STARD3: variants seen among roughly 807,000 people sequenced by gnomAD.
STARD3 encodes StAR related lipid transfer domain containing 3.
In STARD3, 39 loss-of-function variants were observed where a neutral mutation model predicts 62.0. The observed-to-expected ratio is 0.63, with a 90% confidence interval of 0.49 to 0.82. The LOEUF is 0.82. STARD3 is among the 40% of genes least tolerant of loss of function. The pLI, the probability that STARD3 is intolerant of heterozygous loss-of-function variation, is 0.00. For missense variants in STARD3, 543 were observed against 584.5 expected (o/e 0.93, Z 0.73); for synonymous variants, 229 against 242.4 (o/e 0.94, Z 0.51).
intron 14 of STARD3, 61 bp from the exon 15 acceptor site, chr17:39,662,743 G>A: frequency 6.7e-7 from 1 of 1,488,808 alleles, no homozygotes. Context: ...GGTGCCAGCT[G>A]CAAGGGGAGA....
At chr17:39,648,512 C>T (rs2057047669) in intron 1 of STARD3, among the ~76,000 whole-genome samples, 1 of 152,064 alleles carries the variant, frequency 6.6e-6, no homozygotes, top group South Asian at 2.1e-4. Context: ...ACTGACTTTC[C>T]CCCAGATAAA....
At chr17:39,645,348 C>T (rs1039086499) in intron 1 of STARD3, among the ~76,000 whole-genome samples, 1 of 152,234 alleles carries the variant, frequency 6.6e-6, no homozygotes, top group African/African-American at 2.4e-5. Context: ...CTGAGCCACA[C>T]AGCAGGTGAA....
rs2145041329 is a variant in STARD3 at position 39,660,708 on chromosome 17, C to T, written c.955-102C>T. The stretch of plus-strand genomic sequence containing the variant: ...GTGCTCATCAGGCGCTGCCCAGGGC[C>T]TGCCTGTGGCAATAGCAGTTAGTAA... On this transcript the variant is annotated intron_variant, in intron 11 of 14. Transcript: ENST00000336308. This position sits in a 1 kb window ranked among gnomAD's most constrained non-coding sequence, Gnocchi z 4.8. 7 of 1,422,954 alleles carry T rather than the reference C, an allele frequency of 4.9e-6. No individual in the cohort carries two copies. In the Middle Eastern group the frequency reaches 5.5e-4, roughly 111 times the overall value. The allele number at this position is 1,422,954 out of a possible 1,614,324, so 88.1% of individuals were successfully genotyped here. A position where few individuals can be genotyped will look rare whatever the true frequency, so the allele number is the denominator to read the frequency against.
At chr17:39,659,627 A>G in intron 9 of STARD3, 74 bp downstream of exon 9, 1 of 1,489,668 alleles carries the variant, frequency 6.7e-7, no homozygotes, top group Non-Finnish European at 9.3e-7. Context: ...GGCCTGAGGA[A>G]GAAACCCAAA....
chr17:39,661,078 T>C lies in STARD3; in HGVS notation c.1132T>C (p.Tyr378His), dbSNP rs2145044149. ...SHSAKPPTHK[Y>H]VRGENGPGGF... ...CAGTGCCAAGCCCCCGACGCACAAATATGTCCGGTGAGCCTCACTTTGCCT... is the reference window on the plus strand; with the variant it reads ...CAGTGCCAAGCCCCCGACGCACAAACATGTCCGGTGAGCCTCACTTTGCCT... The change falls in exon 13 of 15, where the codon TAT becomes CAT. Residue 378 changes from tyrosine (Y) to histidine (H), a missense_variant. By Grantham distance (83) the Tyr-to-His change is moderately conservative. Transcript: ENST00000336308. 1 of 1,613,488 alleles carries C rather than the reference T, an allele frequency of 6.2e-7. No homozygotes were observed. Among genetic ancestry groups the C allele is most frequent in the East Asian group, 2.2e-5 (1 of 44,862 alleles).
chr17:39,658,935 C>T, intron 7 of STARD3, 115 bp downstream of exon 7: 1 of 1,553,208 alleles, frequency 6.4e-7, no homozygotes, highest in Non-Finnish European at 8.9e-7. Context: ...AAGCCAGCAA[C>T]CCTCTCCCAC....
At chr17:39,655,200 T>C (rs1043558288) in intron 2 of STARD3, among the ~76,000 whole-genome samples, 4 of 152,218 alleles carry the variant, frequency 2.6e-5, no homozygotes, top group Admixed American at 2.6e-4. Flanking sequence ...TTTTGTTTTG[T>C]TTTGAGACAG....
Position 39,660,892 on chromosome 17 carries a change from GAGTCCATGCCGGGCCCCCTCCTTT to G in STARD3, c.1034+4_1034+27del, listed in dbSNP as rs2057190030. 1 of 1,604,876 alleles carries G rather than the reference GAGTCCATGCCGGGCCCCCTCCTTT, an allele frequency of 6.2e-7. No homozygotes were observed. The highest frequency in any genetic ancestry group is 8.5e-7 in the Non-Finnish European group (1 of 1,173,752). ...GCGGGCGGCGTGGTCTCCCCAAGGT[GAGTCCATGCCGGGCCCCCTCCTTT>G]CAGCCAGGTCTTCTGCACTTTGGCC... is the stretch of plus-strand genomic sequence containing the variant. On this transcript the variant is annotated splice_donor_5th_base_variant and intron_variant, in intron 12 of 14. Coordinates refer to ENST00000336308, the MANE Select transcript of STARD3 (RefSeq NM_006804.4). This position sits in a 1 kb window ranked among gnomAD's most constrained non-coding sequence, Gnocchi z 4.8.
chr17:39,650,410 C>T (rs2057066476), intron 1 of STARD3, among the ~76,000 whole-genome samples: 1 of 152,162 alleles, frequency 6.6e-6, no homozygotes, highest in Non-Finnish European at 1.5e-5. Flanking sequence ...TCTCAGACTT[C>T]CAGCCTCCTG....
chr17:39,639,952 C>T (rs1179614086), intron 1 of STARD3, among the ~76,000 whole-genome samples: 1 of 152,176 alleles, frequency 6.6e-6, no homozygotes, highest in African/African-American at 2.4e-5. Flanking sequence ...CTCTGGGAGC[C>T]CACGGTCCTT....
intron 1 of STARD3, among the ~76,000 whole-genome samples, chr17:39,652,066 C>T (rs2057083110): frequency 6.6e-6 from 1 of 152,188 alleles, no homozygotes; most frequent in Non-Finnish European, 1.5e-5. Flanking sequence ...AATCCATTCA[C>T]CTCTCTGGGC....
intron 1 of STARD3, among the ~76,000 whole-genome samples, chr17:39,649,507 A>C (rs1470874973): frequency 6.6e-6 from 1 of 152,246 alleles, no homozygotes; most frequent in Non-Finnish European, 1.5e-5. Flanking sequence ...TATACTATTT[A>C]GTGAAAAAAT....
At chr17:39,638,779 G>A (rs1352768774) in intron 1 of STARD3, among the ~76,000 whole-genome samples, 1 of 152,216 alleles carries the variant, frequency 6.6e-6, no homozygotes, top group Non-Finnish European at 1.5e-5. Flanking sequence ...TCATAGAGTT[G>A]TGAGGATTGA....
chr17:39,647,880 C>T (rs1053250220), intron 1 of STARD3, among the ~76,000 whole-genome samples: 1 of 152,200 alleles, frequency 6.6e-6, no homozygotes, highest in African/African-American at 2.4e-5. Context: ...TGTGGTGGCT[C>T]ATGCCTGTAA....
chr17:39,657,839 G>A lies in STARD3; in HGVS notation c.362G>A (p.Trp121Ter). Residue 121 changes from tryptophan (W) to a stop codon, truncating the protein, a stop_gained, in exon 4 of 15, where the codon TGG (tryptophan) becomes TAG (stop). Coordinates refer to ENST00000336308, the MANE Select transcript of STARD3 (RefSeq NM_006804.4). LOFTEE classifies it high-confidence loss of function. ...TATGCCGTGCTGCGGCTCCGGCACT[G>A]GTGGGTGATTGCGGTAAGATGCCAC... ...LGYAVLRLRHWWVIAVTTLVS... is the reference protein window; with the variant it reads ...LGYAVLRLRH 1 of 1,614,218 alleles carries A rather than the reference G, an allele frequency of 6.2e-7. No homozygotes were observed. The highest frequency in any genetic ancestry group is 1.7e-5 in the Admixed American group (1 of 60,028).
chr17:39,652,334 C>T (rs1008079373), intron 1 of STARD3, among the ~76,000 whole-genome samples: 1 of 152,232 alleles, frequency 6.6e-6, no homozygotes, highest in Non-Finnish European at 1.5e-5. Flanking sequence ...AGGCATTGTG[C>T]TGGGCACCAG....
At position 39,660,438 on chromosome 17, in the gene STARD3, T is replaced by C. The variant is rs766071568; in HGVS notation, c.866T>C (p.Leu289Pro). ...TCTGCCGCCCTGTCCCAGACCTTCC[T>C]GCCCTGTCCTGCGGAGCTCGTGTAC... is the stretch of plus-strand genomic sequence containing the variant. ...HGKTFILKTFLPCPAELVYQE... is the reference protein window; with the variant it reads ...HGKTFILKTFPPCPAELVYQE... Residue 289 changes from leucine (L) to proline (P), a missense_variant, in exon 11 of 15, where the codon CTG becomes CCG. Transcript: ENST00000336308. The surrounding 1 kb of genome is among the most constrained non-coding windows in gnomAD (Gnocchi z 4.8). The C allele has an allele frequency of 7.1e-5, 114 of 1,613,734 alleles. No homozygotes were observed. The highest frequency in any genetic ancestry group is 9.3e-5 in the Non-Finnish European group (110 of 1,180,026).
At chr17:39,637,920 TAA>T (rs1274550605) in intron 1 of STARD3, among the ~76,000 whole-genome samples, 3 of 152,100 alleles carry the variant, frequency 2.0e-5, no homozygotes, top group Non-Finnish European at 2.9e-5. Context: ...TTACACCAAC[TAA>T]ATACCCAGAT....
Position 39,657,832 on chromosome 17 carries a change from C to T in STARD3, c.355C>T (p.Arg119Trp), listed in dbSNP as rs776379242. The T allele has an allele frequency of 9.3e-6, 15 of 1,614,088 alleles. No individual in the cohort carries two copies. Among genetic ancestry groups the T allele is most frequent in the Admixed American group, 1.7e-5 (1 of 59,996 alleles). ...CCTAGGCTATGCCGTGCTGCGGCTC[C>T]GGCACTGGTGGGTGATTGCGGTAAG... ...LLLGYAVLRL[R>W]HWWVIAVTTL... Residue 119 changes from arginine to tryptophan, a missense_variant, in exon 4 of 15, where the codon CGG becomes TGG. Physicochemically the swap from Arg to Trp is moderately radical, Grantham distance 101. Coordinates refer to ENST00000336308, the MANE Select transcript of STARD3 (RefSeq NM_006804.4).
Sources: gnomAD v4.1 joint callset for allele counts (sites outside exome capture counted in the v4.1 genomes callset) on GRCh38, gnomAD v4.1.1 for gene constraint, Gnocchi (gnomAD v3.1) non-coding constraint, MANE v1.5 for transcripts, NCBI Gene and HGNC (gene_info 2026-07-23, HGNC 2026-07-21) for gene names.